Variants in PDE11A observed in about 807,000 individuals in gnomAD.
The protein encoded by PDE11A is phosphodiesterase 11A, also known as dual 3',5'-cyclic-AMP and -GMP phosphodiesterase 11A.
In PDE11A, 100 loss-of-function variants were observed where a neutral mutation model predicts 100.5. That is an observed-to-expected ratio of 1.00 (90% confidence interval 0.85 to 1.18). PDE11A has a LOEUF of 1.18. Among genes scored for constraint, PDE11A ranks in the 50% most tolerant of loss-of-function variants. PDE11A has a pLI of 0.00. For missense variants in PDE11A, 1,141 were observed against 1,152.6 expected (o/e 0.99, Z 0.15); for synonymous variants, 381 against 420.8 (o/e 0.91, Z 1.16).
intron 15 of PDE11A, among the ~76,000 whole-genome samples, chr2:177,685,089 T>C (rs1207454624): frequency 6.6e-6 from 1 of 152,120 alleles, no homozygotes; most frequent in African/African-American, 2.4e-5. Flanking sequence ...GGCCCACTTT[T>C]GTTCACTTCT....
At chr2:177,646,195 G>C (rs1303229555) in intron 19 of PDE11A, among the ~76,000 whole-genome samples, 1 of 152,162 alleles carries the variant, frequency 6.6e-6, no homozygotes, top group Non-Finnish European at 1.5e-5. Flanking sequence ...ACTGAAATAG[G>C]CTGCATGATA....
intron 2 of PDE11A, among the ~76,000 whole-genome samples, chr2:177,993,685 C>T (rs2086032278): frequency 6.6e-6 from 1 of 152,042 alleles, no homozygotes; most frequent in African/African-American, 2.4e-5. Context: ...TTACTTTGAG[C>T]TCCCCTCTTC....
At chr2:177,847,281 T>TC (rs2083616681) in intron 5 of PDE11A, among the ~76,000 whole-genome samples, 1 of 152,214 alleles carries the variant, frequency 6.6e-6, no homozygotes, top group South Asian at 2.1e-4. Context: ...GAGTGATAGT[T>TC]CCCAATAGGT....
At chr2:178,106,729 G>A (rs1368746381) in intron 1 of PDE11A, among the ~76,000 whole-genome samples, 15 of 152,086 alleles carry the variant, frequency 9.9e-5, no homozygotes, top group Admixed American at 9.8e-4. Context: ...GGAGGCCGAG[G>A]TGGTTGGATC....
upstream of PDE11A, among the ~76,000 whole-genome samples, chr2:178,076,634 T>C (rs1439925257): frequency 6.6e-6 from 1 of 152,202 alleles, no homozygotes; most frequent in African/African-American, 2.4e-5. Flanking sequence ...TCCTAATTAT[T>C]CGTCTCCTAA....
At chr2:177,662,013 A>G (rs2080491957) in intron 19 of PDE11A, among the ~76,000 whole-genome samples, 1 of 152,226 alleles carries the variant, frequency 6.6e-6, no homozygotes, top group Non-Finnish European at 1.5e-5. Context: ...ACCGACAGAT[A>G]AGTAGTAAAG....
chr2:177,811,613 T>C (rs2082950287), intron 9 of PDE11A, among the ~76,000 whole-genome samples: 1 of 151,824 alleles, frequency 6.6e-6, no homozygotes, highest in Non-Finnish European at 1.5e-5. Flanking sequence ...TGAAATAAGC[T>C]GAAGTTGCCA....
At chr2:178,021,413 C>A (rs1162590043) in intron 1 of PDE11A, among the ~76,000 whole-genome samples, 1 of 152,118 alleles carries the variant, frequency 6.6e-6, no homozygotes, top group African/African-American at 2.4e-5. Flanking sequence ...ATCGCTGATA[C>A]AATTATGTAC....
chr2:177,804,849 T>C (rs1040865210), intron 9 of PDE11A, among the ~76,000 whole-genome samples: 1 of 151,984 alleles, frequency 6.6e-6, no homozygotes, highest in Non-Finnish European at 1.5e-5. Flanking sequence ...AAATAACATA[T>C]GCTCTCACTT....
intron 2 of PDE11A, among the ~76,000 whole-genome samples, chr2:178,103,717 ATATT>A (rs1376661844): frequency 6.6e-6 from 1 of 151,832 alleles, no homozygotes; most frequent in Non-Finnish European, 1.5e-5. Context: ...AACCATATAT[ATATT>A]TAACAGGATT....
At chr2:177,848,877 T>C (rs2083648704) in intron 5 of PDE11A, among the ~76,000 whole-genome samples, 1 of 152,188 alleles carries the variant, frequency 6.6e-6, no homozygotes, top group Non-Finnish European at 1.5e-5. Flanking sequence ...CAGAGAACTG[T>C]GTGAAAATAA....
intron 19 of PDE11A, among the ~76,000 whole-genome samples, chr2:177,653,589 C>T (rs1438148841): frequency 1.3e-5 from 2 of 152,056 alleles, no homozygotes; most frequent in African/African-American, 4.8e-5. Flanking sequence ...GCCCTAAATC[C>T]AATGGTTTGT....
intron 10 of PDE11A, among the ~76,000 whole-genome samples, chr2:177,751,081 T>C (rs1471659719): frequency 6.6e-6 from 1 of 151,370 alleles, no homozygotes; most frequent in Non-Finnish European, 1.5e-5. Context: ...CTCTCACTTA[T>C]GCATCCCAAT....
intron 19 of PDE11A, among the ~76,000 whole-genome samples, chr2:177,652,585 G>C (rs112744489): frequency 6.6e-6 from 1 of 152,154 alleles, no homozygotes; most frequent in Non-Finnish European, 1.5e-5. Context: ...TGGGAGGATA[G>C]CTCTGGTGGT....
intron 2 of PDE11A, among the ~76,000 whole-genome samples, chr2:177,961,630 T>C (rs935860451): frequency 1.3e-5 from 2 of 152,186 alleles, no homozygotes; most frequent in African/African-American, 2.4e-5. Context: ...CTACCTGTTA[T>C]GTTTTGGTCT....
chr2:177,840,478 G>T, intron 5 of PDE11A, 95 bp from the exon 6 acceptor site: 1 of 1,103,274 alleles, frequency 9.1e-7, no homozygotes, highest in East Asian at 2.4e-5. Flanking sequence ...AGGATAATCT[G>T]TCCTTATTAA....
intron 2 of PDE11A, among the ~76,000 whole-genome samples, chr2:178,085,854 A>C (rs556258505): frequency 1.3e-5 from 2 of 152,310 alleles, no homozygotes; most frequent in Non-Finnish European, 2.9e-5. Flanking sequence ...AAAGAATGTG[A>C]CTCTATGAAA....
intron 5 of PDE11A, among the ~76,000 whole-genome samples, chr2:177,840,711 A>G (rs1419447289): frequency 6.6e-6 from 1 of 152,158 alleles, no homozygotes; most frequent in Non-Finnish European, 1.5e-5. Context: ...ATAAAATTCC[A>G]TCAACTTCCC....
intron 9 of PDE11A, among the ~76,000 whole-genome samples, chr2:177,811,556 GTTTTGTATGCTTACATTTCTA>G (rs1207290064): frequency 1.3e-5 from 1 of 74,712 alleles, no homozygotes; most frequent in Non-Finnish European, 2.6e-5. Flanking sequence ...AGTAGAAAAT[GTTTTGTATGCTTACATTTCTA>G]TTTCTCACCA....
Sources: allele counts gnomAD v4.1 joint callset (sites outside exome capture counted in the v4.1 genomes callset), GRCh38; gene constraint gnomAD v4.1.1; transcripts MANE v1.5; gene names NCBI Gene and HGNC (gene_info 2026-07-23, HGNC 2026-07-21).